PAN3: variants seen among roughly 807,000 people sequenced by gnomAD.
PAN3 encodes poly(A) specific ribonuclease subunit PAN3.
Under a neutral mutation model 96.2 loss-of-function variants are expected in PAN3, and 19 were observed. The ratio of observed to expected loss-of-function variants is 0.20; its 90% CI spans 0.14 to 0.29. PAN3 has a LOEUF of 0.29. Among genes scored for constraint, PAN3 ranks in the 10% least tolerant of loss-of-function variants. The probability of loss-of-function intolerance (pLI) is 1.00; values close to 1 mark genes in which losing one functional copy is unlikely to be tolerated. For synonymous variants in PAN3, 433 were observed against 406.6 expected (o/e 1.06, Z -0.78); for missense variants, 882 against 1,108.1 (o/e 0.80, Z 2.90).
chr13:28,138,409 T>G, upstream of PAN3: 4 of 231,264 alleles, frequency 1.7e-5, no homozygotes, highest in East Asian at 8.4e-5. Flanking sequence ...GCGGCCCCTT[T>G]AAGAAAAGAG....
At chr13:28,282,896 ATTTATTTATTTT>A (rs1162230533) in intron 17 of PAN3, among the ~76,000 whole-genome samples, 1 of 151,708 alleles carries the variant, frequency 6.6e-6, no homozygotes, top group Non-Finnish European at 1.5e-5. Context: ...TTATTTATTT[ATTTATTTATTTT>A]GACTTAATGG....
chr13:28,205,480 A>G (rs1156813205), intron 5 of PAN3, among the ~76,000 whole-genome samples: 1 of 152,166 alleles, frequency 6.6e-6, no homozygotes, highest in Non-Finnish European at 1.5e-5. Flanking sequence ...GGAAGGGAGA[A>G]AAAAGGTCAT....
chr13:28,231,700 A>G (rs1365681213), intron 6 of PAN3, among the ~76,000 whole-genome samples: 1 of 152,162 alleles, frequency 6.6e-6, no homozygotes, highest in African/African-American at 2.4e-5. Context: ...ACATGTAAAA[A>G]TAAGTCTAGG....
intron 5 of PAN3, among the ~76,000 whole-genome samples, chr13:28,211,442 T>A (rs1566190884): frequency 6.6e-6 from 1 of 152,186 alleles, no homozygotes; most frequent in Non-Finnish European, 1.5e-5. Flanking sequence ...AAAGGACAGT[T>A]AGTTGAACTG....
At chr13:28,252,034 C>T (rs775811173) in intron 6 of PAN3, among the ~76,000 whole-genome samples, 4 of 151,768 alleles carry the variant, frequency 2.6e-5, no homozygotes, top group African/African-American at 4.8e-5. Flanking sequence ...ATTACAGGTG[C>T]GCACCACCAC....
chr13:28,266,853 C>G lies in PAN3; in HGVS notation c.1550C>G (p.Pro517Arg). The change falls in exon 10 of 19, where the codon CCA becomes CGA. Residue 517 changes from proline to arginine, a missense_variant. By Grantham distance (103) the Pro-to-Arg change is moderately radical. This residue lies in a region of PAN3 where 364 missense variants were observed against 513.6 expected (regional missense o/e 0.71). Coordinates refer to ENST00000380958, the MANE Select transcript of PAN3 (RefSeq NM_175854.8). ...GCTGTAAACAGCAAAGATGATCTGC[C>G]ATATTGCCTTCGGAGGATACATGGT... Reference protein sequence around the residue: ...YKAVNSKDDLPYCLRRIHGFR... With the variant: ...YKAVNSKDDLRYCLRRIHGFR... The G allele has an allele frequency of 1.2e-6, 2 of 1,604,636 alleles. No homozygotes were observed. The highest frequency in any genetic ancestry group is 2.2e-5 in the South Asian group (2 of 89,190).
chr13:28,220,447 A>G, intron 6 of PAN3, 69 bp downstream of exon 6: 1 of 1,499,032 alleles, frequency 6.7e-7, no homozygotes, highest in Non-Finnish European at 9.1e-7. Flanking sequence ...CTATTAATTT[A>G]TCAGAACTGA....
intron 6 of PAN3, among the ~76,000 whole-genome samples, chr13:28,248,279 CT>C (rs1433313227): frequency 1.3e-5 from 2 of 152,006 alleles, no homozygotes; most frequent in African/African-American, 4.8e-5. Context: ...TATCCTGAAA[CT>C]TTTACTAAGT....
intron 4 of PAN3, among the ~76,000 whole-genome samples, chr13:28,191,514 C>G (rs1010788789): frequency 3.9e-5 from 6 of 152,052 alleles, no homozygotes; most frequent in African/African-American, 9.7e-5. Context: ...GCTAAACATC[C>G]TACAATGCAC....
intron 15 of PAN3, 63 bp from the exon 16 acceptor site, chr13:28,280,349 G>C: frequency 6.5e-7 from 1 of 1,530,646 alleles, no homozygotes; most frequent in Non-Finnish European, 8.8e-7. Context: ...GCTATGTTTG[G>C]GTTATCTTGT....
intron 7 of PAN3, among the ~76,000 whole-genome samples, chr13:28,257,822 A>G (rs906413948): frequency 1.4e-5 from 2 of 143,504 alleles, no homozygotes; most frequent in East Asian, 2.0e-4. Context: ...ATAAATATAT[A>G]TATTTTTTGA....
At chr13:28,150,145 T>G (rs1566137236) in intron 1 of PAN3, among the ~76,000 whole-genome samples, 1 of 152,200 alleles carries the variant, frequency 6.6e-6, no homozygotes, top group Non-Finnish European at 1.5e-5. Flanking sequence ...TGAGGGCTTT[T>G]AAATTCCATA....
chr13:28,172,147 CA>C (rs1361621617), intron 1 of PAN3, among the ~76,000 whole-genome samples: 1 of 152,170 alleles, frequency 6.6e-6, no homozygotes, highest in Admixed American at 6.5e-5. Context: ...TTCGCAGTGT[CA>C]CAGACACATA....
intron 15 of PAN3, among the ~76,000 whole-genome samples, chr13:28,279,532 G>C (rs1257683152): frequency 6.6e-6 from 1 of 151,984 alleles, no homozygotes; most frequent in Non-Finnish European, 1.5e-5. Flanking sequence ...GGCCAAGGCA[G>C]GTGGATCACA....
intron 6 of PAN3, chr13:28,239,536 A>G (rs1202724076): frequency 3.5e-6 from 4 of 1,135,962 alleles, no homozygotes; most frequent in African/African-American, 1.6e-5. Flanking sequence ...GAAAGAGCTT[A>G]TGAGCAGTAG....
intron 6 of PAN3, among the ~76,000 whole-genome samples, chr13:28,233,010 C>CT (rs899791047): frequency 2.6e-5 from 4 of 151,380 alleles, no homozygotes; most frequent in Admixed American, 6.6e-5. Context: ...ATACTATTAT[C>CT]TTTTTTTTTC....
At chr13:28,260,681 G>A (rs780288293) in intron 8 of PAN3, 130 bp downstream of exon 8, 64 of 714,482 alleles carry the variant, frequency 9.0e-5, no homozygotes, top group Non-Finnish European at 1.2e-4. Flanking sequence ...ATCGAATTTA[G>A]AAGTTTTAAT....
At position 28,292,578 on chromosome 13, in the gene PAN3, GCA is replaced by G; in HGVS notation, c.*58_*59del. The G allele has an allele frequency of 6.7e-7, 1 of 1,502,654 alleles. No individual in the cohort carries two copies. Among genetic ancestry groups the G allele is most frequent in the Admixed American group, 2.1e-5 (1 of 47,496 alleles). The allele number at this position is 1,502,654 out of a possible 1,614,324, so 93.1% of individuals were successfully genotyped here. A position where few individuals can be genotyped will look rare whatever the true frequency, so the allele number is the denominator to read the frequency against. ...TAAAGACCTTAACCAATAGCAAATTGCACTACAGCTGAACTTTTCATCATCTC... is the reference window on the plus strand; with the variant it reads ...TAAAGACCTTAACCAATAGCAAATTGCTACAGCTGAACTTTTCATCATCTC... On this transcript the variant is annotated 3_prime_UTR_variant, in exon 19 of 19. Transcript: ENST00000380958.
At chr13:28,192,613 ATACATGAT>A (rs1877437648) in intron 4 of PAN3, among the ~76,000 whole-genome samples, 1 of 152,132 alleles carries the variant, frequency 6.6e-6, no homozygotes, top group African/African-American at 2.4e-5. Flanking sequence ...TGCTCTATTC[ATACATGAT>A]TACTTATGCA....
Sources: gnomAD v4.1 joint callset for allele counts (sites outside exome capture counted in the v4.1 genomes callset) on GRCh38, gnomAD v4.1.1 for gene constraint, gnomAD v4.1.1 regional missense constraint, MANE v1.5 for transcripts, NCBI Gene and HGNC (gene_info 2026-07-23, HGNC 2026-07-21) for gene names.